ZNF397: variants seen among roughly 807,000 people sequenced by gnomAD.
The protein encoded by ZNF397 is zinc finger protein 397.
A neutral mutation model predicts 50.6 loss-of-function variants in ZNF397; 38 were observed. The ratio of observed to expected loss-of-function variants is 0.75; its 90% CI spans 0.58 to 0.98. The LOEUF (loss-of-function observed/expected upper bound fraction) is 0.98, where lower values mean the gene tolerates loss of function less well. Among genes scored for constraint, ZNF397 ranks in the 50% least tolerant of loss-of-function variants. ZNF397 has a pLI of 0.00. For synonymous variants in ZNF397, 228 were observed against 215.2 expected, an observed-to-expected ratio of 1.06 and a Z score of -0.52; for missense variants, 624 against 624.1, an observed-to-expected ratio of 1.00 and a Z score of 0.00.
chr18:35,251,080 A>G (rs1598591790), downstream of ZNF397: 2 of 152,236 alleles, frequency 1.3e-5, no homozygotes, highest in East Asian at 3.8e-4. Context: ...CTCAAGTTTT[A>G]TTGCAATACA....
chr18:35,253,782 A>T, downstream of ZNF397: 3 of 1,614,160 alleles, frequency 1.9e-6, no homozygotes, highest in Non-Finnish European at 2.5e-6. Flanking sequence ...CCACATTCAT[A>T]AGGCTTCTCT....
At chr18:35,252,075 A>G (rs1224275940), downstream of ZNF397, 3 of 152,312 alleles carry the variant, frequency 2.0e-5, no homozygotes, top group African/African-American at 7.2e-5. Context: ...ACAGCCCATC[A>G]TCAGGACTCT....
At chr18:35,254,237 T>A (rs1391630090), downstream of ZNF397, 3 of 1,614,164 alleles carry the variant, frequency 1.9e-6, no homozygotes, top group Admixed American at 5.0e-5. Context: ...CTTAGAGTTG[T>A]CCAGACCTCC....
chr18:35,246,945 G>A lies in ZNF397; in HGVS notation c.*635G>A. 1 of 885,626 alleles carries A rather than the reference G, an allele frequency of 1.1e-6. No individual in the cohort carries two copies. The highest frequency in any genetic ancestry group is 1.4e-6 in the Non-Finnish European group (1 of 738,914). 54.9% of individuals were successfully genotyped at this position (885,626 alleles called of 1,614,324 possible). A position where few individuals can be genotyped will look rare whatever the true frequency, so the allele number is the denominator to read the frequency against. ...TACAGTCTAATGGGCAAGGCAGCCA[G>A]ACAGGCAGTGAAAGTGGAATGCTCC... On this transcript the variant is annotated 3_prime_UTR_variant, in exon 4 of 4. Transcript: ENST00000330501.
chr18:35,254,182 A>G (rs2143649979), downstream of ZNF397: 2 of 1,614,198 alleles, frequency 1.2e-6, no homozygotes, highest in South Asian at 1.1e-5. Flanking sequence ...TGTCCTGGGA[A>G]GGAAGCTGAC....
At chr18:35,243,593 A>G (rs1404350401) in intron 3 of ZNF397, 2 of 598,736 alleles carry the variant, frequency 3.3e-6, no homozygotes, top group Non-Finnish European at 5.9e-6. Context: ...TGGGTGATGG[A>G]CAAATAAAAA....
At chr18:35,255,938 T>A (rs1205387746) in intron 5 of ZNF397, 1 of 152,732 alleles carries the variant, frequency 6.5e-6, no homozygotes. Flanking sequence ...CCCAACAACC[T>A]AATGAGAAAT....
rs1387702646 is a variant in ZNF397, at chr18:35,249,105, T to C, written c.*2795T>C. 4 of 152,022 alleles carry C rather than the reference T, an allele frequency of 2.6e-5. No homozygotes were observed. The highest frequency in any genetic ancestry group is 4.4e-5 in the Non-Finnish European group (3 of 67,984). The allele number at this position is 152,022 out of a possible 1,614,324, so 9.4% of individuals were successfully genotyped here. ...TCACAAAATAAGTGCCAATGAACAA[T>C]AAATGTTCAACCTCACTACAGTTAA... On this transcript the variant is annotated 3_prime_UTR_variant, in exon 4 of 4. Transcript: ENST00000330501.
In ZNF397 at chr18:35,245,290, A is replaced by G. The variant is rs1275380293; in HGVS notation, c.585A>G (p.Lys195=). The G allele has an allele frequency of 6.2e-7, 1 of 1,608,148 alleles. No individual in the cohort carries two copies. Among genetic ancestry groups the G allele is most frequent in the Admixed American group, 1.7e-5 (1 of 59,448 alleles). ...GTGAGAACAGTGAAACAGCAACAAA[A>G]GAGGGCATCTCAGAAGAAAAATCAC... ...SDCENSETAT[K]EGISEEKSQG... The change falls in exon 4 of 4, where the codon AAA becomes AAG. Residue 195 remains lysine, a synonymous_variant. Transcript: ENST00000330501.
chr18:35,242,957 G>A (rs1912629868), intron 2 of ZNF397, 73 bp downstream of exon 2: 1 of 1,525,254 alleles, frequency 6.6e-7, no homozygotes, highest in Non-Finnish European at 8.8e-7. Context: ...ATAACAGTAG[G>A]ATAAAAATTT....
At chr18:35,254,250 A>G (rs897053299), downstream of ZNF397, 8 of 1,613,938 alleles carry the variant, frequency 5.0e-6, no homozygotes, top group African/African-American at 8.0e-5. Context: ...AGACCTCCCA[A>G]AGCTTCTTCA....
At chr18:35,242,986 C>T in intron 2 of ZNF397, 102 bp downstream of exon 2, 1 of 1,493,346 alleles carries the variant, frequency 6.7e-7, no homozygotes, top group Non-Finnish European at 8.9e-7. Context: ...CTACTGAACC[C>T]TAACCTGAAG....
Position 35,242,561 on chromosome 18 carries a change from T to A in ZNF397, c.91T>A (p.Ser31Thr), listed in dbSNP as rs757872324. 75 of 1,614,122 alleles carry A rather than the reference T, an allele frequency of 4.6e-5. No individual in the cohort carries two copies. Among genetic ancestry groups the A allele is most frequent in the Admixed American group, 1.3e-4 (8 of 60,010 alleles). Residue 31 changes from serine to threonine, a missense_variant, in exon 2 of 4, where the codon TCC (serine) becomes ACC (threonine). Ser to Thr is a moderately conservative substitution (Grantham distance 58, BLOSUM62 1). Coordinates refer to ENST00000330501, the MANE Select transcript of ZNF397 (RefSeq NM_001135178.3). ...LILVKVEDNF[S>T]WDEKFKQNGS... is the part of the protein sequence containing the mutation. ...ACTAGTGAAAGTAGAAGATAACTTT[T>A]CCTGGGATGAGAAATTTAAGCAGAA...
Position 35,246,298 on chromosome 18 carries a change from CACTATAA to C in ZNF397, c.1595_1601del (p.Thr532SerfsTer4). The C allele has an allele frequency of 1.3e-6, 2 of 1,541,382 alleles. No homozygotes were observed. The highest frequency in any genetic ancestry group is 1.7e-6 in the Non-Finnish European group (2 of 1,143,430). ...TCCTTATGCGCCATCAAAGAGTCCA[CACTATAA>C]AGTAATTTGTGAATACTGTGAATAG... On this transcript the variant is annotated frameshift_variant, in exon 4 of 4. Transcript: ENST00000330501. LOFTEE classifies it high-confidence loss of function.
chr18:35,246,314 G>C lies in ZNF397; in HGVS notation c.*4G>C, dbSNP rs2143603888. 6.6e-7 allele frequency: 1 copy of C among 1,516,260 alleles called. No homozygotes were observed. Among genetic ancestry groups the C allele is most frequent in the East Asian group, 2.5e-5 (1 of 40,700 alleles). 93.9% of individuals were successfully genotyped at this position (1,516,260 alleles called of 1,614,324 possible). A position where few individuals can be genotyped will look rare whatever the true frequency, so the allele number is the denominator to read the frequency against. ...AAGAGTCCACACTATAAAGTAATTTGTGAATACTGTGAATAGTGTAAATAC... is the reference window on the plus strand; with the variant it reads ...AAGAGTCCACACTATAAAGTAATTTCTGAATACTGTGAATAGTGTAAATAC... On this transcript the variant is annotated 3_prime_UTR_variant, in exon 4 of 4. Coordinates refer to ENST00000330501, the MANE Select transcript of ZNF397 (RefSeq NM_001135178.3).
intron 2 of ZNF397, 109 bp from the exon 3 acceptor site, chr18:35,243,043 C>G: frequency 6.5e-7 from 1 of 1,535,662 alleles, no homozygotes; most frequent in East Asian, 2.3e-5. Context: ...GGTCTTTTTC[C>G]CCTGTCCTTC....
chr18:35,246,540 A>G lies in ZNF397; in HGVS notation c.*230A>G, dbSNP rs1171273707. ...AATCATTACTTCCAGCTCTTCTCTT[A>G]TTAGGAATACTCAGGAAATACGAAA... is the stretch of plus-strand genomic sequence containing the variant. On this transcript the variant is annotated 3_prime_UTR_variant, in exon 4 of 4. Coordinates refer to ENST00000330501, the MANE Select transcript of ZNF397 (RefSeq NM_001135178.3). 28 of 1,304,508 alleles carry G rather than the reference A, an allele frequency of 2.1e-5. No individual in the cohort carries two copies. Among genetic ancestry groups the G allele is most frequent in the African/African-American group, 3.0e-5 (2 of 65,834 alleles). The allele number at this position is 1,304,508 out of a possible 1,614,324, so 80.8% of individuals were successfully genotyped here. A position where few individuals can be genotyped will look rare whatever the true frequency, so the allele number is the denominator to read the frequency against.
downstream of ZNF397, chr18:35,253,398 C>A: frequency 6.8e-7 from 1 of 1,466,190 alleles, no homozygotes; most frequent in South Asian, 1.4e-5. Flanking sequence ...GGAGTCTCAC[C>A]CCTACAGTGA....
At chr18:35,244,501 G>C (rs973253146) in intron 3 of ZNF397, among the ~76,000 whole-genome samples, 8 of 152,118 alleles carry the variant, frequency 5.3e-5, no homozygotes, top group Non-Finnish European at 1.2e-4. Flanking sequence ...CAAGGGTAGA[G>C]AGTTTGTAGA....
Sources: allele counts gnomAD v4.1 joint callset (sites outside exome capture counted in the v4.1 genomes callset), GRCh38; gene constraint gnomAD v4.1.1; transcripts MANE v1.5; gene names NCBI Gene and HGNC (gene_info 2026-07-23, HGNC 2026-07-21).